The following SLC30A10 variants were observed in gnomAD, a reference collection of about 807,000 sequenced individuals.
SLC30A10 encodes the protein calcium/manganese antiporter SLC30A10.
SLC30A10 carries 8 observed loss-of-function variants against 21.7 expected under a neutral mutation model. That is an observed-to-expected ratio of 0.37 (90% CI 0.22 to 0.67). SLC30A10 has a LOEUF of 0.67. Ranked by LOEUF, SLC30A10 falls within the 30% of genes least tolerant of loss-of-function variation. The pLI, the probability that SLC30A10 is intolerant of heterozygous loss-of-function variation, is 0.58. For synonymous variants in SLC30A10, 272 were observed against 279.4 expected (o/e 0.97, Z 0.26); for missense variants, 521 against 642.5 (o/e 0.81, Z 2.04).
upstream of SLC30A10, among the ~76,000 whole-genome samples, chr1:219,929,974 C>T (rs1201677663): frequency 1.3e-5 from 2 of 152,166 alleles, no homozygotes; most frequent in East Asian, 3.9e-4. Context: ...AGAGGCCTGG[C>T]TCCTAGGTTT....
Position 219,922,222 on chromosome 1 carries a change from T to G in SLC30A10, c.719-3728A>C, listed in dbSNP as rs1379815871. On this transcript the variant is annotated intron_variant, in intron 2 of 3. Transcript: ENST00000366926. ...TTTTTTTTTTTTTTTTTTTTTTTTT[T>G]TTTTTTTTTGCAGAGACAGGGGTTT... is the stretch of plus-strand genomic sequence containing the variant. 8.0e-4 allele frequency among the ~76,000 whole-genome samples: 60 copies of G among 74,606 alleles called. 2 individuals are homozygous for G. Among genetic ancestry groups the G allele is most frequent in the African/African-American group, 3.6e-3 (56 of 15,464 alleles). The allele number at this position is 74,606 out of a possible 152,430, so 48.9% of individuals were successfully genotyped here.
At chr1:219,940,038 C>T (rs528585070) in intron 1 of SLC30A10, among the ~76,000 whole-genome samples, 4 of 152,328 alleles carry the variant, frequency 2.6e-5, no homozygotes, top group Non-Finnish European at 5.9e-5. Flanking sequence ...ACAGGGTGAC[C>T]TTGATACGCC....
At chr1:219,956,443 CT>C (rs35095450) in intron 1 of SLC30A10, among the ~76,000 whole-genome samples, 70,240 of 151,670 alleles carry the variant, frequency 0.46, 16,321 homozygotes, top group South Asian at 0.53. Flanking sequence ...GTACCTATCA[CT>C]TATTTAAACT....
chr1:219,932,803 T>C (rs2102538928), upstream of SLC30A10, among the ~76,000 whole-genome samples: 2 of 146,346 alleles, frequency 1.4e-5, no homozygotes, highest in South Asian at 4.5e-4. Flanking sequence ...GGCTCACGCC[T>C]GTAATCCCAG....
At chr1:219,938,600 G>A (rs1455312608) in intron 1 of SLC30A10, among the ~76,000 whole-genome samples, 2 of 152,232 alleles carry the variant, frequency 1.3e-5, no homozygotes, top group Non-Finnish European at 2.9e-5. Flanking sequence ...CGATTAGGAA[G>A]CTCTTTGCCA....
At chr1:219,943,062 T>C (rs1660141281) in intron 1 of SLC30A10, among the ~76,000 whole-genome samples, 1 of 151,638 alleles carries the variant, frequency 6.6e-6, no homozygotes, top group Non-Finnish European at 1.5e-5. Flanking sequence ...AAAATAAAAA[T>C]AATCATGAAA....
intron 1 of SLC30A10, among the ~76,000 whole-genome samples, chr1:219,953,907 C>T (rs529707666): frequency 2.6e-5 from 4 of 151,408 alleles, no homozygotes; most frequent in Non-Finnish European, 4.4e-5. Flanking sequence ...GGGGTTTCAC[C>T]GTGTTAGGCA....
intron 1 of SLC30A10, among the ~76,000 whole-genome samples, chr1:219,940,107 C>A (rs1220452229): frequency 6.6e-6 from 1 of 152,218 alleles, no homozygotes; most frequent in Admixed American, 6.5e-5. Flanking sequence ...CACTTGCTTG[C>A]AATCCACAGA....
At position 219,912,560 on chromosome 1, in the gene SLC30A10, C is replaced by A. The variant is rs372265269; in HGVS notation, c.*2889G>T. On this transcript the variant is annotated 3_prime_UTR_variant, in exon 4 of 4. Transcript: ENST00000366926. ...AAAAATTATGTCAGTTCTGGCCGGG[C>A]GCAGTGGCTTACGCCTGTAATCCCA... Among the ~76,000 whole-genome samples the A allele has an allele frequency of 6.6e-6, 1 of 152,134 alleles. No individual in the cohort carries two copies. The highest frequency in any genetic ancestry group is 1.5e-5 in the Non-Finnish European group (1 of 68,026).
rs2231736 is a variant in SLC30A10, at chr1:219,915,334, G to C, written c.*115C>G. On this transcript the variant is annotated 3_prime_UTR_variant, in exon 4 of 4. Coordinates refer to ENST00000366926, the MANE Select transcript of SLC30A10 (RefSeq NM_018713.3). ...AAACAGCCAACCCCTAGTGAACACA[G>C]AGCATGCATGCTGCAAGTCTAGTCT... 1,123 of 1,317,174 alleles carry C rather than the reference G, an allele frequency of 8.5e-4. 5 individuals are homozygous for C. In the African/African-American group the frequency reaches 0.015, roughly 17 times the overall value. 81.6% of individuals were successfully genotyped at this position (1,317,174 alleles called of 1,614,324 possible).
chr1:219,919,993 A>C (rs1031271989), intron 2 of SLC30A10, among the ~76,000 whole-genome samples: 1 of 152,106 alleles, frequency 6.6e-6, no homozygotes, highest in Admixed American at 6.6e-5. Context: ...TAATTGAGCT[A>C]ATTCCTCCTC....
In SLC30A10 at chr1:219,928,546, G is replaced by T; in HGVS notation, c.-106C>A. On this transcript the variant is annotated 5_prime_UTR_variant, in exon 1 of 4. Coordinates refer to ENST00000366926, the MANE Select transcript of SLC30A10 (RefSeq NM_018713.3). The surrounding 1 kb of genome is among the most constrained non-coding windows in gnomAD (Gnocchi z 6.3). ...CGCGGATCCGTGAGGCCCGGTACCC[G>T]CCTCCCAGATTGTCTCGCCGGCCCT... 3 of 1,104,060 alleles carry T rather than the reference G, an allele frequency of 2.7e-6. No homozygotes were observed. Among genetic ancestry groups the T allele is most frequent in the Non-Finnish European group, 3.6e-6 (3 of 826,792 alleles). 68.4% of individuals were successfully genotyped at this position (1,104,060 alleles called of 1,614,324 possible). A position where few individuals can be genotyped will look rare whatever the true frequency, so the allele number is the denominator to read the frequency against.
chr1:219,955,178 C>T (rs986292990), intron 1 of SLC30A10, among the ~76,000 whole-genome samples: 1 of 152,228 alleles, frequency 6.6e-6, no homozygotes, highest in African/African-American at 2.4e-5. Flanking sequence ...GTTTCCACCC[C>T]TTCAACCTTT....
At chr1:219,944,451 A>G (rs1432425797) in intron 1 of SLC30A10, among the ~76,000 whole-genome samples, 1 of 150,974 alleles carries the variant, frequency 6.6e-6, no homozygotes. Context: ...CTGTCTCAAA[A>G]ACAAAACAAA....
intron 1 of SLC30A10, among the ~76,000 whole-genome samples, chr1:219,945,521 C>T (rs908626507): frequency 7.9e-5 from 12 of 151,942 alleles, no homozygotes; most frequent in Admixed American, 1.3e-4. Context: ...TGAAAAACCA[C>T]GTAGAATGCA....
chr1:219,926,120 A>G (rs550752685), intron 2 of SLC30A10, among the ~76,000 whole-genome samples: 1 of 152,156 alleles, frequency 6.6e-6, no homozygotes, highest in African/African-American at 2.4e-5. Flanking sequence ...AATTTTTAGG[A>G]GATCATATGT....
chr1:219,924,312 C>T (rs1372563301), intron 2 of SLC30A10, among the ~76,000 whole-genome samples: 1 of 152,144 alleles, frequency 6.6e-6, no homozygotes, highest in Admixed American at 6.5e-5. Context: ...AATGTGTGAT[C>T]ATGGAAAGGG....
chr1:219,944,401 T>TTG (rs1660160209), intron 1 of SLC30A10, among the ~76,000 whole-genome samples: 1 of 151,700 alleles, frequency 6.6e-6, no homozygotes, highest in South Asian at 2.1e-4. Flanking sequence ...TGAGCCGAGA[T>TTG]CGCGCCACTG....
intron 2 of SLC30A10, among the ~76,000 whole-genome samples, chr1:219,923,161 T>C (rs1340888302): frequency 6.6e-6 from 1 of 152,192 alleles, no homozygotes; most frequent in Non-Finnish European, 1.5e-5. Flanking sequence ...CGGCCAAGGC[T>C]TTGAGCAGAC....
Sources: allele counts gnomAD v4.1 joint callset (sites outside exome capture counted in the v4.1 genomes callset), GRCh38; gene constraint gnomAD v4.1.1; non-coding constraint Gnocchi (gnomAD v3.1); transcripts MANE v1.5; gene names NCBI Gene and HGNC (gene_info 2026-07-23, HGNC 2026-07-21).